Variants in SDK1 observed in about 807,000 individuals in gnomAD.
The protein encoded by SDK1 is sidekick cell adhesion molecule 1.
SDK1 carries 157 observed loss-of-function variants against 245.5 expected under a neutral mutation model. The observed-to-expected ratio is 0.64, with a 90% CI of 0.56 to 0.73. The LOEUF is 0.73. Ranked by LOEUF, SDK1 falls within the 30% of genes least tolerant of loss-of-function variation. The pLI, the probability that SDK1 is intolerant of heterozygous loss-of-function variation, is 0.00. For synonymous variants in SDK1, 1,647 were observed against 1,278.5 expected (o/e 1.29, Z -6.15); for missense variants, 3,583 against 3,002.3 (o/e 1.19, Z -4.52).
chr7:3,718,134 A>C (rs1018190057), intron 4 of SDK1, among the ~76,000 whole-genome samples: 73 of 152,240 alleles, frequency 4.8e-4, no homozygotes, highest in Non-Finnish European at 5.9e-5. Context: ...AACTCATGTA[A>C]GTCATACTAA....
At chr7:3,496,082 A>C (rs1366523355) in intron 1 of SDK1, among the ~76,000 whole-genome samples, 1 of 152,150 alleles carries the variant, frequency 6.6e-6, no homozygotes, top group Non-Finnish European at 1.5e-5. Flanking sequence ...GGTCTTTAAG[A>C]GCTTGGACCC....
At chr7:4,164,305 A>G (rs193118707) in intron 32 of SDK1, among the ~76,000 whole-genome samples, 52 of 152,312 alleles carry the variant, frequency 3.4e-4, no homozygotes, top group African/African-American at 1.2e-3. Flanking sequence ...TGGCCCTGAG[A>G]GGCCCCTCTG....
chr7:3,533,789 C>G (rs1348196037), intron 1 of SDK1, among the ~76,000 whole-genome samples: 1 of 152,092 alleles, frequency 6.6e-6, no homozygotes, highest in African/African-American at 2.4e-5. Context: ...CCCCGCCCCC[C>G]ATTCCTTGTT....
At chr7:3,597,620 C>T (rs1029469194) in intron 1 of SDK1, among the ~76,000 whole-genome samples, 1 of 152,154 alleles carries the variant, frequency 6.6e-6, no homozygotes, top group African/African-American at 2.4e-5. Context: ...TGTTTCCTTA[C>T]AGTCTTAGTT....
chr7:3,340,251 C>T (rs982594192), intron 1 of SDK1, among the ~76,000 whole-genome samples: 2 of 151,646 alleles, frequency 1.3e-5, no homozygotes, highest in African/African-American at 2.4e-5. Flanking sequence ...CCAAATATGG[C>T]AATAAAAGGA....
chr7:3,757,621 G>C (rs1473277398), intron 4 of SDK1, among the ~76,000 whole-genome samples: 1 of 152,188 alleles, frequency 6.6e-6, no homozygotes, highest in Non-Finnish European at 1.5e-5. Context: ...CATAGGGCAG[G>C]TGTGGGGGAG....
intron 5 of SDK1, among the ~76,000 whole-genome samples, chr7:3,948,908 A>G (rs1780684978): frequency 1.3e-5 from 2 of 152,170 alleles, no homozygotes; most frequent in South Asian, 4.1e-4. Flanking sequence ...AGCATTAGCC[A>G]CTGCCTCCCT....
intron 14 of SDK1, among the ~76,000 whole-genome samples, chr7:4,009,912 T>A (rs557065118): frequency 6.6e-6 from 1 of 152,106 alleles, no homozygotes; most frequent in East Asian, 1.9e-4. Context: ...ATCCCCGCGG[T>A]TGGGGCTGCA....
chr7:3,718,668 A>G (rs539234119), intron 4 of SDK1, among the ~76,000 whole-genome samples: 38 of 152,204 alleles, frequency 2.5e-4, no homozygotes, highest in Admixed American at 5.9e-4. Flanking sequence ...AAGAGTATGT[A>G]CAGAAACTTA....
At chr7:3,559,723 G>A (rs1428969776) in intron 1 of SDK1, among the ~76,000 whole-genome samples, 2 of 145,152 alleles carry the variant, frequency 1.4e-5, no homozygotes, top group East Asian at 2.0e-4. Flanking sequence ...AGGTAACGCT[G>A]TAAAGTATGA....
chr7:3,410,480 A>T (rs920543570), intron 1 of SDK1, among the ~76,000 whole-genome samples: 43 of 151,700 alleles, frequency 2.8e-4, no homozygotes, highest in African/African-American at 8.7e-4. Flanking sequence ...AGGATACTCA[A>T]TTTGTGTACA....
chr7:3,370,764 G>T (rs1274253654), intron 1 of SDK1, among the ~76,000 whole-genome samples: 1 of 152,152 alleles, frequency 6.6e-6, no homozygotes, highest in Non-Finnish European at 1.5e-5. Flanking sequence ...CGCTGGGTAG[G>T]ACATGTTTTA....
chr7:3,785,248 A>G (rs557881105), intron 4 of SDK1, among the ~76,000 whole-genome samples: 11 of 152,276 alleles, frequency 7.2e-5, no homozygotes, highest in African/African-American at 2.6e-4. Context: ...ATCTCAGGCA[A>G]GAGGAATTTT....
intron 31 of SDK1, among the ~76,000 whole-genome samples, chr7:4,159,113 G>T (rs1368847330): frequency 6.6e-6 from 1 of 152,228 alleles, no homozygotes; most frequent in Non-Finnish European, 1.5e-5. Context: ...AGTGGATGGT[G>T]GGTAATAGCT....
At chr7:3,884,184 G>A (rs146274420) in intron 5 of SDK1, among the ~76,000 whole-genome samples, 2 of 151,718 alleles carry the variant, frequency 1.3e-5, no homozygotes, top group African/African-American at 2.4e-5. Context: ...GGGCTCAAGC[G>A]ATCCTCCCAC....
intron 4 of SDK1, among the ~76,000 whole-genome samples, chr7:3,678,419 A>T (rs7790719): frequency 6.6e-6 from 1 of 152,084 alleles, no homozygotes; most frequent in Non-Finnish European, 1.5e-5. Flanking sequence ...TGTAGGTACC[A>T]TGGACTATTA....
chr7:4,161,761 C>G (rs373093958), intron 31 of SDK1, 25 bp from the exon 32 acceptor site: 1 of 1,605,866 alleles, frequency 6.2e-7, no homozygotes, highest in East Asian at 2.2e-5. Flanking sequence ...CCCTGACCCC[C>G]GCTTTCCTCT....
intron 44 of SDK1, among the ~76,000 whole-genome samples, chr7:4,248,321 C>A (rs900889285): frequency 4.3e-4 from 65 of 151,796 alleles, no homozygotes; most frequent in African/African-American, 1.6e-3. Context: ...CATGCACACA[C>A]ATATACATAT....
chr7:4,077,620 G>A (rs1780778097), intron 21 of SDK1, among the ~76,000 whole-genome samples: 1 of 152,212 alleles, frequency 6.6e-6, no homozygotes, highest in South Asian at 2.1e-4. Flanking sequence ...GGTTGGGGAG[G>A]CCTCACAATC....
Sources: allele counts gnomAD v4.1 joint callset (sites outside exome capture counted in the v4.1 genomes callset), GRCh38; gene constraint gnomAD v4.1.1; transcripts MANE v1.5; gene names NCBI Gene and HGNC (gene_info 2026-07-23, HGNC 2026-07-21).